The following AGMO variants were observed in gnomAD, a reference collection of about 807,000 sequenced individuals.
AGMO encodes the protein alkylglycerol monooxygenase, also known as glyceryl-ether monooxygenase.
A neutral mutation model predicts 60.2 loss-of-function variants in AGMO; 75 were observed. The observed-to-expected ratio is 1.25, with a 90% CI of 1.03 to 1.51. AGMO has a LOEUF of 1.51. Among genes scored for constraint, AGMO ranks in the 40% most tolerant of loss-of-function variants. AGMO has a pLI of 0.00. For missense variants in AGMO, 763 were observed against 525.5 expected (o/e 1.45, Z -4.42); for synonymous variants, 261 against 177.1 (o/e 1.47, Z -3.76).
chr7:15,540,208 C>G (rs899746152), intron 3 of AGMO, among the ~76,000 whole-genome samples: 1 of 152,122 alleles, frequency 6.6e-6, no homozygotes, highest in Non-Finnish European at 1.5e-5. Context: ...TCACACCACC[C>G]CCAGGTCTAA....
At chr7:15,235,465 G>C (rs1460852460) in intron 12 of AGMO, among the ~76,000 whole-genome samples, 2 of 152,118 alleles carry the variant, frequency 1.3e-5, no homozygotes, top group Non-Finnish European at 2.9e-5. Context: ...TTATCCACTA[G>C]TGAGTAAGTT....
chr7:15,235,360 G>GT (rs1480772888), intron 12 of AGMO, among the ~76,000 whole-genome samples: 1 of 152,122 alleles, frequency 6.6e-6, no homozygotes, highest in African/African-American at 2.4e-5. Flanking sequence ...CGAATGTGTA[G>GT]TAAGTGTCCA....
intron 12 of AGMO, among the ~76,000 whole-genome samples, chr7:15,358,060 A>G (rs1178307975): frequency 6.6e-6 from 1 of 152,216 alleles, no homozygotes. Flanking sequence ...TCTGATACAT[A>G]TATGTTGACA....
rs1782820811 is a variant in AGMO, at chr7:15,248,217, T to C, written c.1264-46858A>G. ...ATATATATATATATATATATATATA[T>C]ATATATATCTTCATCTTCAATTCTA... is the stretch of plus-strand genomic sequence containing the variant. On this transcript the variant is annotated intron_variant, in intron 12 of 12. Coordinates refer to ENST00000342526, the MANE Select transcript of AGMO (RefSeq NM_001004320.2). Among the ~76,000 whole-genome samples, 3 of 108,254 alleles carry C rather than the reference T, an allele frequency of 2.8e-5. No homozygotes were observed. The South Asian group carries it at 8.5e-4, about 31-fold the overall frequency. 71.0% of individuals were successfully genotyped at this position (108,254 alleles called of 152,430 possible). A position where few individuals can be genotyped will look rare whatever the true frequency, so the allele number is the denominator to read the frequency against.
At chr7:15,224,783 G>C (rs977451915) in intron 12 of AGMO, among the ~76,000 whole-genome samples, 4 of 151,802 alleles carry the variant, frequency 2.6e-5, no homozygotes, top group African/African-American at 9.7e-5. Context: ...TTATGGTTTG[G>C]GCCATGAATA....
chr7:15,232,426 T>C (rs563367731), intron 12 of AGMO, among the ~76,000 whole-genome samples: 38 of 152,300 alleles, frequency 2.5e-4, no homozygotes, highest in African/African-American at 8.2e-4. Context: ...CCAACGTTCT[T>C]TCTTAGTAAA....
intron 12 of AGMO, among the ~76,000 whole-genome samples, chr7:15,216,439 G>A (rs948055497): frequency 6.6e-6 from 1 of 151,958 alleles, no homozygotes; most frequent in East Asian, 1.9e-4. Context: ...ATAGTGGTAA[G>A]TAACACTAAA....
At chr7:15,278,723 A>T (rs578131010) in intron 12 of AGMO, among the ~76,000 whole-genome samples, 11 of 152,132 alleles carry the variant, frequency 7.2e-5, no homozygotes, top group South Asian at 4.2e-4. Flanking sequence ...TGCCCAGCCT[A>T]CTCACTCCCT....
chr7:15,352,843 C>CA (rs1782301683), intron 12 of AGMO, among the ~76,000 whole-genome samples: 1 of 151,986 alleles, frequency 6.6e-6, no homozygotes, highest in Non-Finnish European at 1.5e-5. Flanking sequence ...AATGCAAAAA[C>CA]AAAAGCTAAA....
intron 12 of AGMO, among the ~76,000 whole-genome samples, chr7:15,342,350 C>T (rs6967336): frequency 0.55 from 83,581 of 151,300 alleles, 24,432 homozygotes; most frequent in African/African-American, 0.77. Flanking sequence ...GTCAAAATTG[C>T]TGCTCCAAAA....
At chr7:15,371,277 A>G (rs1202636813) in intron 10 of AGMO, among the ~76,000 whole-genome samples, 2 of 152,100 alleles carry the variant, frequency 1.3e-5, no homozygotes, top group African/African-American at 4.8e-5. Context: ...TTGTAGTGTA[A>G]TGGCACCATC....
At chr7:15,384,817 CT>C (rs71953359) in intron 10 of AGMO, among the ~76,000 whole-genome samples, 4,999 of 121,246 alleles carry the variant, frequency 0.041, 146 homozygotes, top group African/African-American at 0.13. Context: ...CTGTTTTTCT[CT>C]TTTTTTTTTT....
chr7:15,306,445 T>G (rs1271742651), intron 12 of AGMO: 1 of 454,252 alleles, frequency 2.2e-6, no homozygotes, highest in Admixed American at 2.7e-5. Context: ...ATAGGAAACA[T>G]ATTCTTCTGC....
Position 15,248,214 on chromosome 7 carries a change from A to ATATGTATATATATATATATATATG in AGMO, c.1264-46856_1264-46855insCATATATATATATATATATACATA, listed in dbSNP as rs1554401269. 2.8e-5 allele frequency among the ~76,000 whole-genome samples: 2 copies of ATATGTATATATATATATATATATG among 71,160 alleles called. 1 individual carries two copies. The highest frequency in any genetic ancestry group is 5.9e-5 in the Non-Finnish European group (2 of 33,622). The allele number at this position is 71,160 out of a possible 152,430, so 46.7% of individuals were successfully genotyped here. ...TATATATATATATATATATATATAT[A>ATATGTATATATATATATATATATG]TATATATATATCTTCATCTTCAATT... On this transcript the variant is annotated intron_variant, in intron 12 of 12. Transcript: ENST00000342526.
At chr7:15,182,836 T>C in the AGMO span, among the ~76,000 whole-genome samples, 9,105 of 152,154 alleles carry the variant, frequency 0.06, 914 homozygotes, top group African/African-American at 0.2. Context: ...GTAGGGAGCA[T>C]AGTGGCTTCT....
chr7:15,469,048 T>C (rs951496870), intron 3 of AGMO, among the ~76,000 whole-genome samples: 1 of 152,108 alleles, frequency 6.6e-6, no homozygotes, highest in Non-Finnish European at 1.5e-5. Context: ...ATTTAGGAAG[T>C]AAGATTTTTA....
the AGMO span, among the ~76,000 whole-genome samples, chr7:15,148,176 C>A: frequency 6.6e-6 from 1 of 151,874 alleles, no homozygotes; most frequent in Admixed American, 6.6e-5. Context: ...TGGAATTATT[C>A]TCCTTCTGCC....
chr7:15,413,744 G>C (rs895250324), intron 5 of AGMO, among the ~76,000 whole-genome samples: 6 of 151,986 alleles, frequency 3.9e-5, no homozygotes, highest in Non-Finnish European at 8.8e-5. Flanking sequence ...CAAAAATTAA[G>C]GAAAACATGA....
chr7:15,536,818 C>T (rs1278856848), intron 3 of AGMO, among the ~76,000 whole-genome samples: 1 of 151,810 alleles, frequency 6.6e-6, no homozygotes, highest in African/African-American at 2.4e-5. Flanking sequence ...TTCACACAGC[C>T]GTCTTTCATT....
Sources: allele counts gnomAD v4.1 joint callset (sites outside exome capture counted in the v4.1 genomes callset), GRCh38; gene constraint gnomAD v4.1.1; transcripts MANE v1.5; gene names NCBI Gene and HGNC (gene_info 2026-07-23, HGNC 2026-07-21).